Variants in VPS13B observed in about 807,000 individuals in gnomAD.
VPS13B encodes the protein intermembrane lipid transfer protein VPS13B.
VPS13B carries 285 observed loss-of-function variants against 426.4 expected under a neutral mutation model. The observed-to-expected ratio is 0.67, with a 90% CI of 0.61 to 0.74. The LOEUF (loss-of-function observed/expected upper bound fraction) is 0.74. VPS13B is among the 30% of genes least tolerant of loss of function. The pLI is 0.00. For missense variants in VPS13B, 4,537 were observed against 4,782.6 expected (o/e 0.95, Z 1.51); for synonymous variants, 1,676 against 1,676.4 (o/e 1.00, Z 0.01).
chr8:99,327,357 G>A (rs1810330730), intron 19 of VPS13B, among the ~76,000 whole-genome samples: 1 of 152,138 alleles, frequency 6.6e-6, no homozygotes, highest in Admixed American at 6.6e-5. Flanking sequence ...CATTAATGTA[G>A]TATTTAGATT....
At chr8:99,460,031 A>T (rs947544750) in intron 23 of VPS13B, among the ~76,000 whole-genome samples, 2 of 152,036 alleles carry the variant, frequency 1.3e-5, no homozygotes, top group Non-Finnish European at 1.5e-5. Context: ...TATTTTGTTA[A>T]TCTTGCTATT....
chr8:99,739,829 C>T (rs1227423407), intron 39 of VPS13B, among the ~76,000 whole-genome samples: 1 of 152,082 alleles, frequency 6.6e-6, no homozygotes, highest in African/African-American at 2.4e-5. Flanking sequence ...TGTACGTCAC[C>T]AAAATCAAAG....
chr8:99,874,046 G>C (rs965365865), intron 61 of VPS13B, among the ~76,000 whole-genome samples: 2 of 152,174 alleles, frequency 1.3e-5, no homozygotes, highest in African/African-American at 4.8e-5. Flanking sequence ...TTTTAAGTCA[G>C]CATTTGCTTT....
chr8:99,342,949 T>G (rs2133190144), intron 19 of VPS13B, among the ~76,000 whole-genome samples: 2 of 152,304 alleles, frequency 1.3e-5, no homozygotes, highest in South Asian at 4.1e-4. Flanking sequence ...TAATGGGTAT[T>G]AGGTGACTTC....
Position 99,650,272 on chromosome 8 carries a change from C to T in VPS13B, c.5908+7774C>T, listed in dbSNP as rs951723980. On this transcript the variant is annotated intron_variant, in intron 34 of 61. Transcript: ENST00000357162. ...TTGTCAGCATTAACTTGATTCTTCC[C>T]GTGTCACCAATAAGCACACACTCAG... is the stretch of plus-strand genomic sequence containing the variant. Among the ~76,000 whole-genome samples, 14 of 152,144 alleles carry T rather than the reference C, an allele frequency of 9.2e-5. 1 individual carries two copies. The highest frequency in any genetic ancestry group is 2.1e-4 in the South Asian group (1 of 4,816).
intron 23 of VPS13B, among the ~76,000 whole-genome samples, chr8:99,444,392 T>G (rs1397984641): frequency 2.0e-5 from 3 of 152,228 alleles, no homozygotes; most frequent in Admixed American, 6.5e-5. Flanking sequence ...CCACTGCGCC[T>G]GGCCAAATTA....
intron 35 of VPS13B, among the ~76,000 whole-genome samples, chr8:99,690,823 T>C (rs1368919394): frequency 6.6e-6 from 1 of 152,114 alleles, no homozygotes; most frequent in Admixed American, 6.5e-5. Context: ...TCCTTCACGC[T>C]CACTAGGATA....
At chr8:99,416,768 G>T (rs1816039376) in intron 21 of VPS13B, among the ~76,000 whole-genome samples, 1 of 152,086 alleles carries the variant, frequency 6.6e-6, no homozygotes, top group South Asian at 2.1e-4. Context: ...ACCAGTCCCA[G>T]TGAGATGAGC....
chr8:99,331,477 G>T lies in VPS13B; in HGVS notation c.2825-52731G>T, dbSNP rs77514221. On this transcript the variant is annotated intron_variant, in intron 19 of 61. Coordinates refer to ENST00000357162, the MANE Select transcript of VPS13B (RefSeq NM_152564.5). Reference sequence around the variant, plus strand: ...ATAAGGAACATTTAAATAGACTTATGTTCTCATTAGCATAAACACCACTAG... The same window carrying T: ...ATAAGGAACATTTAAATAGACTTATTTTCTCATTAGCATAAACACCACTAG... 8.2e-3 allele frequency among the ~76,000 whole-genome samples: 1,248 copies of T among 151,802 alleles called. 42 individuals carry two copies. Among genetic ancestry groups the T allele is most frequent in the East Asian group, 0.075 (387 of 5,170 alleles).
At chr8:99,115,972 A>G (rs1847635796) in intron 7 of VPS13B, 98 bp downstream of exon 7, 4 of 1,264,746 alleles carry the variant, frequency 3.2e-6, no homozygotes, top group Admixed American at 2.0e-5. Context: ...TGAGTTTTAC[A>G]GTATTCTAAT....
chr8:99,681,349 C>T (rs1831146822), intron 35 of VPS13B, among the ~76,000 whole-genome samples: 1 of 152,170 alleles, frequency 6.6e-6, no homozygotes, highest in Non-Finnish European at 1.5e-5. Flanking sequence ...ACTGCCCTAG[C>T]CACTCTGTTC....
At chr8:99,386,994 A>C (rs1814160375) in intron 20 of VPS13B, among the ~76,000 whole-genome samples, 1 of 152,090 alleles carries the variant, frequency 6.6e-6, no homozygotes, top group Non-Finnish European at 1.5e-5. Context: ...TAAAAGGTAA[A>C]CTAACAAATA....
At position 99,778,745 on chromosome 8, in the gene VPS13B, T is replaced by C; in HGVS notation, c.7493T>C (p.Met2498Thr). 6.2e-7 allele frequency: 1 copy of C among 1,614,014 alleles called. No individual in the cohort carries two copies. The highest frequency in any genetic ancestry group is 8.5e-7 in the Non-Finnish European group (1 of 1,179,914). The change falls in exon 42 of 62, where the codon ATG (methionine) becomes ACG (threonine). Residue 2498 changes from methionine to threonine, a missense_variant. Physicochemically the swap from Met to Thr is moderately conservative, Grantham distance 81 (BLOSUM62 -1). Transcript: ENST00000357162. ...AATATGCCATCTGAACTAGAATACA[T>C]GATTGTTTCCTTCAGAGAACCACAC... Reference protein sequence around the residue: ...DRNMPSELEYMIVSFREPHMY... With the variant: ...DRNMPSELEYTIVSFREPHMY...
At chr8:99,693,095 C>G (rs1347746379) in intron 35 of VPS13B, among the ~76,000 whole-genome samples, 1 of 142,656 alleles carries the variant, frequency 7.0e-6, no homozygotes, top group African/African-American at 2.6e-5. Context: ...GATGGATTCA[C>G]AGCCGAATTC....
intron 39 of VPS13B, among the ~76,000 whole-genome samples, chr8:99,758,963 C>T (rs1273380911): frequency 1.3e-5 from 2 of 152,126 alleles, no homozygotes; most frequent in African/African-American, 2.4e-5. Context: ...TCTCCTTGCT[C>T]ACCAGTGCCA....
At chr8:99,690,178 C>A (rs1035337247) in intron 35 of VPS13B, among the ~76,000 whole-genome samples, 6 of 152,026 alleles carry the variant, frequency 3.9e-5, no homozygotes, top group Admixed American at 3.9e-4. Flanking sequence ...TTCCAGTACC[C>A]CAAATTCTAC....
chr8:99,601,636 T>C (rs1827304195), intron 33 of VPS13B, among the ~76,000 whole-genome samples: 2 of 152,226 alleles, frequency 1.3e-5, no homozygotes, highest in African/African-American at 4.8e-5. Context: ...ATTGTTTCTA[T>C]TTCTCCACAT....
At position 99,778,948 on chromosome 8, in the gene VPS13B, A is replaced by C. The variant is rs200302943; in HGVS notation, c.7696A>C (p.Thr2566Pro). 6.2e-7 allele frequency: 1 copy of C among 1,613,860 alleles called. No individual in the cohort carries two copies. The highest frequency in any genetic ancestry group is 8.5e-7 in the Non-Finnish European group (1 of 1,179,904). ...SDVVEKLLDC[T>P]VIVDSVFVNL... ...TGTAGTGGAAAAGCTGCTTGACTGC[A>C]CCGTGATAGTTGATTCTGTATTTGT... The change falls in exon 42 of 62, where the codon ACC (threonine) becomes CCC (proline). Residue 2566 changes from threonine to proline, a missense_variant. Physicochemically the swap from Thr to Pro is conservative, Grantham distance 38. Transcript: ENST00000357162.
rs1816426857 is a variant in VPS13B, at chr8:99,854,023, T to TG, written c.10635dup (p.Gln3546AlafsTer50). The TG allele has an allele frequency of 6.2e-7, 1 of 1,614,114 alleles. No individual in the cohort carries two copies. On this transcript the variant is annotated frameshift_variant, in exon 56 of 62. Coordinates refer to ENST00000357162, the MANE Select transcript of VPS13B (RefSeq NM_152564.5). LOFTEE classifies it high-confidence loss of function. ...TCCGGGGGTAAACAGGTGTTGCCCA[T>TG]GCAGGTCACACAGCACGCCAGGGCC... is the stretch of plus-strand genomic sequence containing the variant.
Sources: allele counts gnomAD v4.1 joint callset (sites outside exome capture counted in the v4.1 genomes callset), GRCh38; gene constraint gnomAD v4.1.1; transcripts MANE v1.5; gene names NCBI Gene and HGNC (gene_info 2026-07-23, HGNC 2026-07-21).